The following ARHGEF33 variants were observed in gnomAD, a reference collection of about 807,000 sequenced individuals.
The protein encoded by ARHGEF33 is Rho guanine nucleotide exchange factor 33.
A neutral mutation model predicts 101.9 loss-of-function variants in ARHGEF33; 72 were observed. That is an observed-to-expected ratio of 0.71 (90% CI 0.58 to 0.86). The LOEUF is 0.86. Ranked by LOEUF, ARHGEF33 falls within the 40% of genes least tolerant of loss-of-function variation. The probability of loss-of-function intolerance (pLI) is 0.00; values close to 1 mark genes in which losing one functional copy is unlikely to be tolerated. For synonymous variants in ARHGEF33, 499 were observed against 442.5 expected, an observed-to-expected ratio of 1.13 and a Z score of -1.60; for missense variants, 1,169 against 1,111.3, an observed-to-expected ratio of 1.05 and a Z score of -0.74.
chr2:38,917,292 A>G (rs991178817), intron 2 of ARHGEF33, among the ~76,000 whole-genome samples: 1 of 151,678 alleles, frequency 6.6e-6, no homozygotes, highest in Non-Finnish European at 1.5e-5. Flanking sequence ...GGGTTTCACC[A>G]TGTTGGCCAG....
intron 9 of ARHGEF33, among the ~76,000 whole-genome samples, chr2:38,938,178 G>A (rs1318607508): frequency 6.6e-6 from 1 of 152,064 alleles, no homozygotes. Context: ...CTTTTCGGGG[G>A]CATGGGGGAG....
Position 38,960,379 on chromosome 2 carries a change from C to G in ARHGEF33, c.2074C>G (p.Leu692Val). ...GGCGGGCAGCAGCAGCGCCTACAAA[C>G]TGGAGGCGGCGGCGCAGGCGCACGG... is the stretch of plus-strand genomic sequence containing the variant. ...SPAGSSSAYK[L>V]EAAAQAHGKA... Residue 692 changes from leucine to valine, a missense_variant, in exon 16 of 18, where the codon CTG becomes GTG. Leu to Val is a conservative substitution (Grantham distance 32, BLOSUM62 1). Transcript: ENST00000409978. 3.3e-6 allele frequency: 5 copies of G among 1,514,220 alleles called. No individual in the cohort carries two copies. Among genetic ancestry groups the G allele is most frequent in the Non-Finnish European group, 4.4e-6 (5 of 1,136,922 alleles). 93.8% of individuals were successfully genotyped at this position (1,514,220 alleles called of 1,614,324 possible).
intron 2 of ARHGEF33, among the ~76,000 whole-genome samples, chr2:38,917,543 T>A (rs1033153776): frequency 2.6e-5 from 4 of 152,186 alleles, no homozygotes; most frequent in African/African-American, 9.7e-5. Context: ...AAAAGTTTCC[T>A]GTGCGGCCAG....
intron 15 of ARHGEF33, 38 bp downstream of exon 15, chr2:38,958,236 C>T: frequency 6.5e-7 from 1 of 1,548,630 alleles, no homozygotes; most frequent in Non-Finnish European, 8.7e-7. Flanking sequence ...AATGCCAATG[C>T]CTTTGGGACC....
At chr2:38,935,450 A>AT (rs936672014) in intron 7 of ARHGEF33, among the ~76,000 whole-genome samples, 1 of 151,960 alleles carries the variant, frequency 6.6e-6, no homozygotes, top group Non-Finnish European at 1.5e-5. Context: ...GTCTCTTTTT[A>AT]TTATTACCAT....
intron 11 of ARHGEF33, among the ~76,000 whole-genome samples, chr2:38,951,436 T>C (rs1286068306): frequency 6.6e-6 from 1 of 152,160 alleles, no homozygotes; most frequent in African/African-American, 2.4e-5. Flanking sequence ...TCGATGTGTG[T>C]ATGTATTGTG....
chr2:38,954,120 A>T (rs964383127), intron 12 of ARHGEF33, among the ~76,000 whole-genome samples: 2 of 152,240 alleles, frequency 1.3e-5, no homozygotes, highest in Admixed American at 6.5e-5. Flanking sequence ...GCTGAGTGGA[A>T]GGAGAGGGTA....
At chr2:38,893,759 G>T (rs1298790444) in intron 1 of ARHGEF33, among the ~76,000 whole-genome samples, 1 of 152,134 alleles carries the variant, frequency 6.6e-6, no homozygotes, top group Non-Finnish European at 1.5e-5. Flanking sequence ...TTGAATGCAC[G>T]TGAACTCTGT....
At chr2:38,943,367 G>C (rs994858405) in intron 9 of ARHGEF33, among the ~76,000 whole-genome samples, 2 of 152,186 alleles carry the variant, frequency 1.3e-5, no homozygotes, top group African/African-American at 4.8e-5. Context: ...AGGGGAAGAA[G>C]GCTGAGGGAA....
intron 2 of ARHGEF33, among the ~76,000 whole-genome samples, chr2:38,901,655 A>G (rs1398715600): frequency 1.3e-5 from 2 of 152,240 alleles, no homozygotes; most frequent in African/African-American, 2.4e-5. Context: ...AAGCATAGCA[A>G]TAATCACCAC....
chr2:38,909,492 CTTTTTTT>C (rs768568418), intron 2 of ARHGEF33, among the ~76,000 whole-genome samples: 3 of 117,408 alleles, frequency 2.6e-5, no homozygotes, highest in Non-Finnish European at 3.6e-5. Flanking sequence ...TGGCTAATTT[CTTTTTTT>C]TTTTTTTTTT....
At chr2:38,914,208 A>G (rs1007797679) in intron 2 of ARHGEF33, among the ~76,000 whole-genome samples, 69 of 152,220 alleles carry the variant, frequency 4.5e-4, no homozygotes, top group Non-Finnish European at 8.8e-4. Context: ...CATCTATGGA[A>G]ACTCCACATA....
rs868314515 is a variant in ARHGEF33 at position 38,974,412 on chromosome 2, A to G, written c.*569A>G. The G allele has an allele frequency of 1.3e-5, 2 of 152,242 alleles. No homozygotes were observed. Among genetic ancestry groups the G allele is most frequent in the African/African-American group, 4.8e-5 (2 of 41,462 alleles). The allele number at this position is 152,242 out of a possible 1,614,324, so 9.4% of individuals were successfully genotyped here. ...ATGTTGCATATCTGAGTTATGGAGA[A>G]TTTGTGCTTAAACCATGATTCAGAA... On this transcript the variant is annotated 3_prime_UTR_variant, in exon 18 of 18. Transcript: ENST00000409978.
intron 17 of ARHGEF33, among the ~76,000 whole-genome samples, chr2:38,967,529 G>A (rs2124431188): frequency 6.6e-6 from 1 of 152,208 alleles, no homozygotes; most frequent in Non-Finnish European, 1.5e-5. Context: ...AGTTGACAGG[G>A]GTGGGAGAAC....
At chr2:38,932,931 T>A (rs772559926) in intron 7 of ARHGEF33, among the ~76,000 whole-genome samples, 23 of 152,226 alleles carry the variant, frequency 1.5e-4, no homozygotes, top group Non-Finnish European at 2.6e-4. Context: ...TAATGTGCCA[T>A]GATAAGACAT....
chr2:38,912,403 C>G (rs17023148), intron 2 of ARHGEF33, among the ~76,000 whole-genome samples: 6,694 of 152,254 alleles, frequency 0.044, 546 homozygotes, highest in African/African-American at 0.15. Context: ...ATAATCATAG[C>G]AAGGCTTTTT....
intron 17 of ARHGEF33, among the ~76,000 whole-genome samples, chr2:38,972,559 T>C (rs999973578): frequency 1.3e-5 from 2 of 152,164 alleles, no homozygotes; most frequent in Non-Finnish European, 2.9e-5. Flanking sequence ...AAAGTGAAAA[T>C]ACCTAGTCAG....
chr2:38,892,764 GA>G (rs1666033209), intron 1 of ARHGEF33, among the ~76,000 whole-genome samples: 2 of 152,150 alleles, frequency 1.3e-5, no homozygotes, highest in Non-Finnish European at 2.9e-5. Flanking sequence ...TTTCTTGGGT[GA>G]AGCATACATT....
rs997559548 is a variant in ARHGEF33 at position 38,943,710 on chromosome 2, C to T, written c.791-191C>T. On this transcript the variant is annotated intron_variant, in intron 9 of 17. Coordinates refer to ENST00000409978, the MANE Select transcript of ARHGEF33 (RefSeq NM_001145451.5). ...GATTTTCCAGCTGCAGATGGGGACA[C>T]CAAGACTTCGTGCCCTTTGCTCTGC... Among the ~76,000 whole-genome samples the T allele has an allele frequency of 2.0e-5, 3 of 152,234 alleles. No homozygotes were observed. The East Asian group carries it at 5.8e-4, about 29-fold the overall frequency.
Sources: allele counts gnomAD v4.1 joint callset (sites outside exome capture counted in the v4.1 genomes callset), GRCh38; gene constraint gnomAD v4.1.1; transcripts MANE v1.5; gene names NCBI Gene and HGNC (gene_info 2026-07-23, HGNC 2026-07-21).